Variants in DACH2 observed in about 807,000 individuals in gnomAD.
The protein encoded by DACH2 is dachshund homolog 2.
A neutral mutation model predicts 35.8 loss-of-function variants in DACH2; 17 were observed. The ratio of observed to expected loss-of-function variants is 0.48; its 90% CI spans 0.33 to 0.71. The LOEUF is 0.71. Among genes scored for constraint, DACH2 ranks in the 30% least tolerant of loss-of-function variants. The pLI is 0.02. For missense variants in DACH2, 469 were observed against 472.7 expected (o/e 0.99, Z 0.07); for synonymous variants, 195 against 177.3 (o/e 1.10, Z -0.79).
chrX:86,793,401 G>C (rs921358654), intron 7 of DACH2, among the ~76,000 whole-genome samples: 1 of 110,924 alleles, frequency 9.0e-6, no homozygotes, highest in Non-Finnish European at 1.9e-5. Context: ...TAATAAAATT[G>C]ATTATTGAGA....
At chrX:86,308,651 T>G (rs1236083796) in intron 1 of DACH2, among the ~76,000 whole-genome samples, 1 of 111,819 alleles carries the variant, frequency 8.9e-6, no homozygotes, top group East Asian at 2.8e-4. Flanking sequence ...AGGACCACAC[T>G]ACATTACCAA....
At chrX:86,810,942 G>A (rs986761215) in intron 7 of DACH2, among the ~76,000 whole-genome samples, 4 of 111,542 alleles carry the variant, frequency 3.6e-5, no homozygotes, top group South Asian at 7.4e-4. Flanking sequence ...AATAAACTAC[G>A]AGTGAGTTGT....
intron 1 of DACH2, among the ~76,000 whole-genome samples, chrX:86,203,087 C>T (rs1346220713): frequency 1.8e-5 from 2 of 111,085 alleles, no homozygotes; most frequent in African/African-American, 6.5e-5. Flanking sequence ...GAAAACAATT[C>T]TGTTTTTCAA....
chrX:86,462,584 C>T (rs2037594395), intron 2 of DACH2, among the ~76,000 whole-genome samples: 1 of 111,121 alleles, frequency 9.0e-6, no homozygotes. Flanking sequence ...TTGCAGAATA[C>T]CTAATCATCA....
chrX:86,382,334 T>G (rs1226138014), intron 2 of DACH2, among the ~76,000 whole-genome samples: 2 of 109,486 alleles, frequency 1.8e-5, no homozygotes, highest in Non-Finnish European at 3.8e-5. Context: ...TTAGATTCTA[T>G]GTGTATGGGA....
In DACH2 at chrX:86,264,399, G is replaced by A. The variant is rs186743875; in HGVS notation, c.489-112425G>A. ...ACATATTTGCATACACTTATTGTGC[G>A]AAAGTTTTTAAGTAGCCTTTTCTCT... On this transcript the variant is annotated intron_variant, in intron 1 of 11. Coordinates refer to ENST00000373125, the MANE Select transcript of DACH2 (RefSeq NM_053281.3). Among the ~76,000 whole-genome samples, 21 of 111,889 alleles carry A rather than the reference G, an allele frequency of 1.9e-4. No individual in the cohort carries two copies. The East Asian group carries it at 4.2e-3, about 22-fold the overall frequency.
intron 1 of DACH2, among the ~76,000 whole-genome samples, chrX:86,168,698 T>C (rs772108852): frequency 2.7e-5 from 3 of 109,945 alleles, no homozygotes; most frequent in Non-Finnish European, 5.7e-5. Flanking sequence ...GAGTTTACCA[T>C]GAGCTTTGCA....
At chrX:86,229,267 A>T (rs1349778028) in intron 1 of DACH2, among the ~76,000 whole-genome samples, 1 of 111,751 alleles carries the variant, frequency 8.9e-6, no homozygotes, top group Admixed American at 9.5e-5. Context: ...GTCGAAGATC[A>T]GTTGGCTGTA....
At chrX:86,200,836 G>C (rs7881692) in intron 1 of DACH2, among the ~76,000 whole-genome samples, 6,409 of 110,839 alleles carry the variant, frequency 0.058, 497 homozygotes, top group African/African-American at 0.2. Flanking sequence ...CATTGTTTGT[G>C]GGAGTGCAAA....
chrX:86,627,250 A>G (rs907252147), intron 3 of DACH2, among the ~76,000 whole-genome samples: 1 of 111,842 alleles, frequency 8.9e-6, no homozygotes, highest in African/African-American at 3.2e-5. Flanking sequence ...GTGGCAAAAT[A>G]CTGCCAGTTT....
chrX:86,612,889 C>T (rs1479087946), intron 3 of DACH2, among the ~76,000 whole-genome samples: 1 of 112,520 alleles, frequency 8.9e-6, no homozygotes, highest in Admixed American at 9.4e-5. Flanking sequence ...TGCCCCACCT[C>T]ATGACCTAGT....
chrX:86,315,363 A>C (rs973744839), intron 1 of DACH2, among the ~76,000 whole-genome samples: 7 of 112,283 alleles, frequency 6.2e-5, no homozygotes, highest in African/African-American at 2.3e-4. Flanking sequence ...GCATCTGGTC[A>C]CCCAAGAGCC....
At chrX:86,438,193 T>C (rs1227123268) in intron 2 of DACH2, among the ~76,000 whole-genome samples, 1 of 108,722 alleles carries the variant, frequency 9.2e-6, no homozygotes, top group Non-Finnish European at 1.9e-5. Flanking sequence ...TCCATCCATG[T>C]TTCTGCAAAG....
At chrX:86,681,125 T>C (rs1832586728) in intron 4 of DACH2, among the ~76,000 whole-genome samples, 1 of 111,788 alleles carries the variant, frequency 8.9e-6, no homozygotes, top group African/African-American at 3.3e-5. Context: ...TGAATTTGTT[T>C]CTTTATGATA....
At chrX:86,788,628 C>T (rs1198671070) in intron 7 of DACH2, among the ~76,000 whole-genome samples, 2 of 112,065 alleles carry the variant, frequency 1.8e-5, no homozygotes, top group East Asian at 2.8e-4. Flanking sequence ...CACACTTCAA[C>T]CTAATGAGGA....
chrX:86,479,976 G>C (rs1450500814), intron 2 of DACH2, among the ~76,000 whole-genome samples: 1 of 112,220 alleles, frequency 8.9e-6, no homozygotes, highest in Non-Finnish European at 1.9e-5. Context: ...TTCATTCCTG[G>C]TGGCTTATTT....
intron 1 of DACH2, among the ~76,000 whole-genome samples, chrX:86,366,507 A>C (rs755916465): frequency 1.5e-3 from 171 of 111,684 alleles, no homozygotes; most frequent in Non-Finnish European, 2.7e-3. Flanking sequence ...ACCTGAATGC[A>C]TGGTCATAGC....
chrX:86,637,036 C>A (rs1450754382), intron 3 of DACH2, among the ~76,000 whole-genome samples: 1 of 100,205 alleles, frequency 1.0e-5, no homozygotes, highest in Non-Finnish European at 2.0e-5. Flanking sequence ...ACTGAGTAAC[C>A]CCATTAAAAA....
intron 2 of DACH2, among the ~76,000 whole-genome samples, chrX:86,390,398 C>G (rs780461130): frequency 8.8e-4 from 98 of 110,741 alleles, no homozygotes; most frequent in South Asian, 5.0e-3. Context: ...TGCAGGAAAC[C>G]TTGACCTTGC....
Sources: gnomAD v4.1 joint callset for allele counts (sites outside exome capture counted in the v4.1 genomes callset) on GRCh38, gnomAD v4.1.1 for gene constraint, MANE v1.5 for transcripts, NCBI Gene and HGNC (gene_info 2026-07-23, HGNC 2026-07-21) for gene names.